The following PHF20 variants were observed in gnomAD, a reference collection of about 807,000 sequenced individuals.
PHF20 encodes the protein PHD finger protein 20, also known as glioma-expressed antigen 2.
A neutral mutation model predicts 113.5 loss-of-function variants in PHF20; 23 were observed. The observed-to-expected ratio is 0.20, with a 90% confidence interval of 0.15 to 0.29. The LOEUF is 0.29. PHF20 is among the 10% of genes least tolerant of loss of function. The pLI, the probability that PHF20 is intolerant of heterozygous loss-of-function variation, is 1.00. For synonymous variants in PHF20, 434 were observed against 457.3 expected (o/e 0.95, Z 0.65); for missense variants, 943 against 1,219.6 (o/e 0.77, Z 3.38).
intron 7 of PHF20, among the ~76,000 whole-genome samples, chr20:35,870,523 A>T (rs1048606025): frequency 1.3e-5 from 2 of 151,988 alleles, no homozygotes; most frequent in Non-Finnish European, 2.9e-5. Context: ...TTATTGATTT[A>T]AAAAAATACC....
At chr20:35,898,117 C>A (rs1046483147) in intron 9 of PHF20, among the ~76,000 whole-genome samples, 8 of 150,420 alleles carry the variant, frequency 5.3e-5, no homozygotes, top group African/African-American at 1.5e-4. Context: ...TCAGGTGATC[C>A]GCCCACCTCG....
At chr20:35,890,791 G>C (rs959458174) in intron 9 of PHF20, among the ~76,000 whole-genome samples, 1 of 152,160 alleles carries the variant, frequency 6.6e-6, no homozygotes, top group African/African-American at 2.4e-5. Flanking sequence ...GCTGAGGTAG[G>C]AGAATCACTT....
intron 9 of PHF20, among the ~76,000 whole-genome samples, chr20:35,895,681 CTTTTTTTTTT>C (rs762279629): frequency 1.7e-5 from 2 of 116,802 alleles, no homozygotes; most frequent in African/African-American, 7.0e-5. Flanking sequence ...TTTGCTTCTC[CTTTTTTTTTT>C]TTTTTTTTTT....
At chr20:35,779,464 C>T (rs1230145526) in intron 1 of PHF20, among the ~76,000 whole-genome samples, 2 of 151,818 alleles carry the variant, frequency 1.3e-5, no homozygotes, top group Admixed American at 6.6e-5. Context: ...ACCTGATTTT[C>T]AAGAGGTCTC....
chr20:35,822,074 A>G (rs2042177892), intron 2 of PHF20, among the ~76,000 whole-genome samples: 2 of 152,206 alleles, frequency 1.3e-5, no homozygotes, highest in Admixed American at 6.6e-5. Flanking sequence ...TAACAGAGTC[A>G]GATGTTCAAG....
intron 15 of PHF20, among the ~76,000 whole-genome samples, chr20:35,935,606 C>G (rs1211804708): frequency 6.6e-6 from 1 of 152,108 alleles, no homozygotes; most frequent in Non-Finnish European, 1.5e-5. Flanking sequence ...GGCTCAAGTG[C>G]TTTGTCTGCC....
intron 2 of PHF20, among the ~76,000 whole-genome samples, chr20:35,814,526 A>G (rs2042033251): frequency 6.6e-6 from 1 of 150,864 alleles, no homozygotes. Flanking sequence ...CTATAATATT[A>G]AATTTAAGTT....
chr20:35,947,593 A>G lies in PHF20; in HGVS notation c.3005A>G (p.Lys1002Arg). Residue 1002 changes from lysine (K) to arginine (R), a missense_variant, in exon 18 of 18, where the codon AAG (lysine) becomes AGG (arginine). Lys to Arg is a conservative substitution (Grantham distance 26). Around this residue, in one of 3 missense-constraint regions of PHF20, gnomAD observed 349 missense variants for 412.3 expected, o/e 0.85. Transcript: ENST00000374012. ...CIKQLLMDLGKVQQIALCCST is the reference protein window; with the variant it reads ...CIKQLLMDLGRVQQIALCCST ...AAGCAGCTGCTGATGGACCTGGGCA[A>G]GGTGCAGCAGATCGCCCTCTGCTGC... is the stretch of plus-strand genomic sequence containing the variant. 6.2e-7 allele frequency: 1 copy of G among 1,614,108 alleles called. No homozygotes were observed.
intron 1 of PHF20, among the ~76,000 whole-genome samples, chr20:35,782,788 A>G (rs1473100170): frequency 6.6e-6 from 1 of 152,236 alleles, no homozygotes; most frequent in Non-Finnish European, 1.5e-5. Flanking sequence ...CTTAACCTAT[A>G]TGAGCCTGTT....
At chr20:35,811,270 C>A (rs902888095) in intron 2 of PHF20, among the ~76,000 whole-genome samples, 6 of 152,088 alleles carry the variant, frequency 3.9e-5, no homozygotes, top group African/African-American at 1.4e-4. Flanking sequence ...TGATCTTGAT[C>A]TCTTGACCTC....
intron 3 of PHF20, 55 bp downstream of exon 3, chr20:35,842,799 T>C (rs2042556687): frequency 2.0e-6 from 3 of 1,501,798 alleles, no homozygotes; most frequent in Non-Finnish European, 2.7e-6. Context: ...ATTGGGCTGT[T>C]TGTGTTTCAA....
At chr20:35,867,055 C>T (rs1182296122) in intron 6 of PHF20, among the ~76,000 whole-genome samples, 2 of 152,124 alleles carry the variant, frequency 1.3e-5, no homozygotes, top group East Asian at 1.9e-4. Context: ...GGGAAACACT[C>T]AAGTTCTGTA....
At chr20:35,819,552 A>T (rs1262707344) in intron 2 of PHF20, among the ~76,000 whole-genome samples, 1 of 151,986 alleles carries the variant, frequency 6.6e-6, no homozygotes, top group African/African-American at 2.4e-5. Context: ...GAGTTTCATA[A>T]TGTCCTTAGA....
chr20:35,807,347 G>T (rs2041901624), intron 2 of PHF20, among the ~76,000 whole-genome samples: 1 of 147,300 alleles, frequency 6.8e-6, no homozygotes, highest in African/African-American at 2.5e-5. Flanking sequence ...TCTATGAATG[G>T]ATCTTTTTTT....
chr20:35,900,681 A>C (rs1446976780), intron 10 of PHF20, among the ~76,000 whole-genome samples: 1 of 152,046 alleles, frequency 6.6e-6, no homozygotes, highest in African/African-American at 2.4e-5. Flanking sequence ...CTAAATATAC[A>C]AAAAAATTAG....
chr20:35,935,425 G>T (rs1322185910), intron 15 of PHF20, among the ~76,000 whole-genome samples: 1 of 152,176 alleles, frequency 6.6e-6, no homozygotes, highest in East Asian at 1.9e-4. Context: ...GGAGTGCAGT[G>T]GTATGATCGC....
At chr20:35,844,134 G>A (rs1028213225) in intron 3 of PHF20, among the ~76,000 whole-genome samples, 2 of 151,958 alleles carry the variant, frequency 1.3e-5, no homozygotes, top group African/African-American at 2.4e-5. Flanking sequence ...ACGGGGTCTT[G>A]CTCTGTTGCT....
chr20:35,882,933 G>T (rs1568701667), intron 9 of PHF20, among the ~76,000 whole-genome samples: 1 of 151,228 alleles, frequency 6.6e-6, no homozygotes, highest in African/African-American at 2.4e-5. Context: ...GAGGCTGAGA[G>T]AGGAGAATTG....
chr20:35,913,361 C>T lies in PHF20; in HGVS notation c.1660+14C>T. ...AAACCAAACCTGGTAATTTTTTTTC[C>T]TGAGGGTTTCACTTAGGTTTCCTTA... On this transcript the variant is annotated intron_variant, in intron 11 of 17. Transcript: ENST00000374012. 1 of 1,555,002 alleles carries T rather than the reference C, an allele frequency of 6.4e-7. No homozygotes were observed. The highest frequency in any genetic ancestry group is 1.2e-5 in the South Asian group (1 of 86,284).
Sources: allele counts gnomAD v4.1 joint callset (sites outside exome capture counted in the v4.1 genomes callset), GRCh38; gene constraint gnomAD v4.1.1; regional missense constraint gnomAD v4.1.1; transcripts MANE v1.5; gene names NCBI Gene and HGNC (gene_info 2026-07-23, HGNC 2026-07-21).